YWHAE: variants seen among roughly 807,000 people sequenced by gnomAD.
The protein encoded by YWHAE is 14-3-3 protein epsilon.
YWHAE carries 4 observed loss-of-function variants against 30.1 expected under a neutral mutation model. The ratio of observed to expected loss-of-function variants is 0.13; its 90% confidence interval spans 0.07 to 0.30. The LOEUF (loss-of-function observed/expected upper bound fraction) is 0.30. Among genes scored for constraint, YWHAE ranks in the 10% least tolerant of loss-of-function variants. The pLI is 1.00. For synonymous variants in YWHAE, 118 were observed against 111.8 expected (o/e 1.06, Z -0.35); for missense variants, 121 against 315.9 (o/e 0.38, Z 4.68).
At chr17:1,395,250 G>A (rs1236264587) in intron 1 of YWHAE, among the ~76,000 whole-genome samples, 1 of 152,046 alleles carries the variant, frequency 6.6e-6, no homozygotes, top group African/African-American at 2.4e-5. Flanking sequence ...AAAATTGGCT[G>A]GGTGCGGTGG....
chr17:1,372,648 G>A (rs999770109), intron 1 of YWHAE, among the ~76,000 whole-genome samples: 3 of 152,148 alleles, frequency 2.0e-5, no homozygotes, highest in Admixed American at 2.0e-4. Flanking sequence ...AAGCCTAACG[G>A]GAGGGAGAGA....
intron 1 of YWHAE, among the ~76,000 whole-genome samples, chr17:1,373,533 T>G (rs1472622636): frequency 4.1e-5 from 6 of 146,564 alleles, no homozygotes; most frequent in East Asian, 4.2e-4. Flanking sequence ...CCAGGCATGG[T>G]GGCGGGCGCC....
chr17:1,377,358 G>C (rs1440675144), intron 1 of YWHAE, among the ~76,000 whole-genome samples: 1 of 152,164 alleles, frequency 6.6e-6, no homozygotes, highest in Non-Finnish European at 1.5e-5. Flanking sequence ...TTTGCAACCA[G>C]AGTGCTCACA....
chr17:1,388,443 G>C (rs1169929151), intron 1 of YWHAE, among the ~76,000 whole-genome samples: 1 of 151,800 alleles, frequency 6.6e-6, no homozygotes, highest in East Asian at 1.9e-4. Context: ...GTGAACCCAG[G>C]AGGTGGAGCT....
intron 1 of YWHAE, chr17:1,369,775 C>T (rs1204711377): frequency 5.3e-5 from 8 of 152,296 alleles, no homozygotes; most frequent in Non-Finnish European, 1.2e-4. Flanking sequence ...AAGCAAGTCA[C>T]ATGAATTTTT....
chr17:1,390,986 G>C lies in YWHAE; in HGVS notation c.64+9061C>G, dbSNP rs575748354. ...CCTTTAAATTTTTATGTGGGTATTT[G>C]GTATGAAAGACACTTGTAAAAATAA... On this transcript the variant is annotated intron_variant, in intron 1 of 5. Coordinates refer to ENST00000264335, the MANE Select transcript of YWHAE (RefSeq NM_006761.5). 3.9e-5 allele frequency among the ~76,000 whole-genome samples: 6 copies of C among 152,236 alleles called. No homozygotes were observed. The South Asian group carries it at 1.2e-3, about 32-fold the overall frequency.
At chr17:1,351,100 C>T (rs1312389981) in intron 5 of YWHAE, among the ~76,000 whole-genome samples, 4 of 151,806 alleles carry the variant, frequency 2.6e-5, no homozygotes, top group African/African-American at 4.8e-5. Flanking sequence ...GTGGCTCACA[C>T]CTGTAATCCC....
At chr17:1,368,472 G>A (rs1453957077) in intron 1 of YWHAE, among the ~76,000 whole-genome samples, 1 of 151,964 alleles carries the variant, frequency 6.6e-6, no homozygotes, top group African/African-American at 2.4e-5. Context: ...GCTGAGGCAG[G>A]GGAATCGCTT....
chr17:1,399,282 G>A (rs952269252), intron 1 of YWHAE: 1 of 152,202 alleles, frequency 6.6e-6, no homozygotes, highest in African/African-American at 2.4e-5. Flanking sequence ...GAAAGGGAGG[G>A]AGTGAGGATT....
chr17:1,348,228 G>A (rs2072559227), intron 5 of YWHAE, among the ~76,000 whole-genome samples: 1 of 152,136 alleles, frequency 6.6e-6, no homozygotes, highest in African/African-American at 2.4e-5. Flanking sequence ...GATATTAGGG[G>A]AAAAAGGATT....
chr17:1,370,872 C>T lies in YWHAE; in HGVS notation c.65-5814G>A, dbSNP rs139748254. On this transcript the variant is annotated intron_variant, in intron 1 of 5. Transcript: ENST00000264335. The stretch of plus-strand genomic sequence containing the variant: ...AAAATCAGCCGGGCATGGTGGCGGG[C>T]GCCTGTAGTCCCAGCTACTCAGGAG... Among the ~76,000 whole-genome samples the T allele has an allele frequency of 7.5e-3, 1,138 of 152,014 alleles. 4 individuals are homozygous for T. Among genetic ancestry groups the T allele is most frequent in the Non-Finnish European group, 0.012 (808 of 67,962 alleles).
In YWHAE at chr17:1,359,938, GGGGGAGGGGGGGAGAGA is replaced by G. The variant is rs1567962580; in HGVS notation, c.578+1137_578+1153del. 8.9e-5 allele frequency among the ~76,000 whole-genome samples: 5 copies of G among 55,976 alleles called. 1 individual carries two copies. The highest frequency in any genetic ancestry group is 2.2e-4 in the Admixed American group (1 of 4,488). The allele number at this position is 55,976 out of a possible 152,430, so 36.7% of individuals were successfully genotyped here. On this transcript the variant is annotated intron_variant, in intron 4 of 5. Coordinates refer to ENST00000264335, the MANE Select transcript of YWHAE (RefSeq NM_006761.5). ...GACGGGGAGGGGGAGGGGGGGAGGA[GGGGGAGGGGGGGAGAGA>G]GGGGGAGAGAGAGAGAGAGAGATTT...
chr17:1,391,616 A>T (rs1326591277), intron 1 of YWHAE, among the ~76,000 whole-genome samples: 1 of 152,178 alleles, frequency 6.6e-6, no homozygotes, highest in Non-Finnish European at 1.5e-5. Flanking sequence ...TAGCATTAAC[A>T]TTTAGTCAGA....
chr17:1,346,466 T>G (rs2072517601), intron 5 of YWHAE, among the ~76,000 whole-genome samples: 1 of 152,242 alleles, frequency 6.6e-6, no homozygotes, highest in South Asian at 2.1e-4. Flanking sequence ...GTTAAATTAT[T>G]TAATTAGGAT....
chr17:1,357,664 G>A (rs540983977), intron 4 of YWHAE, among the ~76,000 whole-genome samples: 30 of 151,928 alleles, frequency 2.0e-4, no homozygotes, highest in African/African-American at 6.5e-4. Flanking sequence ...AGTGGCTCAC[G>A]CCTGTAATCT....
intron 1 of YWHAE, among the ~76,000 whole-genome samples, chr17:1,369,088 T>C (rs1376817595): frequency 6.6e-6 from 1 of 152,218 alleles, no homozygotes; most frequent in African/African-American, 2.4e-5. Context: ...AATGCTTTCA[T>C]TTTTACATAT....
chr17:1,359,274 T>G (rs757571826), intron 4 of YWHAE, among the ~76,000 whole-genome samples: 1 of 151,974 alleles, frequency 6.6e-6, no homozygotes, highest in Non-Finnish European at 1.5e-5. Context: ...GAGCTATGAG[T>G]GCACAACTGC....
chr17:1,379,472 C>T lies in YWHAE; in HGVS notation c.65-14414G>A, dbSNP rs114621661. On this transcript the variant is annotated intron_variant, in intron 1 of 5. Coordinates refer to ENST00000264335, the MANE Select transcript of YWHAE (RefSeq NM_006761.5). ...TGCACTCCAGCCTGGGCAAAGAAAGCAAGACTCTGCCTCAAAAGAAGATTT... is the reference window on the plus strand; with the variant it reads ...TGCACTCCAGCCTGGGCAAAGAAAGTAAGACTCTGCCTCAAAAGAAGATTT... Among the ~76,000 whole-genome samples the T allele has an allele frequency of 6.4e-3, 973 of 152,234 alleles. 13 individuals carry two copies. Among genetic ancestry groups the T allele is most frequent in the African/African-American group, 0.015 (638 of 41,554 alleles).
At chr17:1,399,934 G>A in intron 1 of YWHAE, 113 bp downstream of exon 1, 2 of 1,343,292 alleles carry the variant, frequency 1.5e-6, no homozygotes, top group South Asian at 1.2e-5. Context: ...CCGAACCCAA[G>A]CCCCCGGGCC....
Sources: gnomAD v4.1 joint callset for allele counts (sites outside exome capture counted in the v4.1 genomes callset) on GRCh38, gnomAD v4.1.1 for gene constraint, MANE v1.5 for transcripts, NCBI Gene and HGNC (gene_info 2026-07-23, HGNC 2026-07-21) for gene names.